The following TAF12 variants were observed in gnomAD, a reference collection of about 807,000 sequenced individuals.
The protein encoded by TAF12 is TATA-box binding protein associated factor 12, also known as transcription initiation factor TFIID subunit 12.
A neutral mutation model predicts 20.8 loss-of-function variants in TAF12; 3 were observed. That is an observed-to-expected ratio of 0.14 (90% CI 0.07 to 0.37). The LOEUF (loss-of-function observed/expected upper bound fraction) is 0.37. Ranked by LOEUF, TAF12 falls within the 10% of genes least tolerant of loss-of-function variation. The probability of loss-of-function intolerance (pLI) is 1.00; values close to 1 mark genes in which losing one functional copy is unlikely to be tolerated. For synonymous variants in TAF12, 69 were observed against 70.2 expected, an observed-to-expected ratio of 0.98 and a Z score of 0.09; for missense variants, 131 against 197.9, an observed-to-expected ratio of 0.66 and a Z score of 2.03.
At chr1:28,609,228 C>T (rs1165474714) in intron 4 of TAF12, among the ~76,000 whole-genome samples, 2 of 151,580 alleles carry the variant, frequency 1.3e-5, no homozygotes, top group Non-Finnish European at 2.9e-5. Flanking sequence ...AGGCACATGC[C>T]ACCACGCCCG....
intron 4 of TAF12, 106 bp downstream of exon 4, chr1:28,613,141 G>A (rs1666921239): frequency 3.8e-6 from 3 of 790,176 alleles, no homozygotes; most frequent in Non-Finnish European, 3.8e-6. Flanking sequence ...AAATCCCAGT[G>A]CCCAAAAGTC....
intron 4 of TAF12, among the ~76,000 whole-genome samples, chr1:28,606,640 AG>A (rs1315874943): frequency 1.3e-5 from 2 of 152,354 alleles, no homozygotes; most frequent in East Asian, 1.9e-4. Context: ...GTGAATGCTG[AG>A]ACCTAAGGTT....
At chr1:28,603,999 A>G (rs879858359) in intron 5 of TAF12, among the ~76,000 whole-genome samples, 22 of 151,730 alleles carry the variant, frequency 1.4e-4, no homozygotes, top group Middle Eastern at 3.4e-3. Context: ...CTGCCTCCCA[A>G]GTTCAAGTGA....
intron 5 of TAF12, 174 bp downstream of exon 5, chr1:28,605,198 T>G (rs1345825811): frequency 3.3e-6 from 2 of 613,824 alleles, no homozygotes; most frequent in East Asian, 5.5e-5. Context: ...GAATATCTTA[T>G]TGATCTCCCG....
chr1:28,644,728 C>G (rs1668140589), upstream of TAF12, among the ~76,000 whole-genome samples: 1 of 152,222 alleles, frequency 6.6e-6, no homozygotes, highest in Non-Finnish European at 1.5e-5. Flanking sequence ...AACACTTACT[C>G]AAGGACCAAG....
intron 4 of TAF12, among the ~76,000 whole-genome samples, chr1:28,609,180 G>A (rs940652844): frequency 6.6e-6 from 1 of 151,560 alleles, no homozygotes; most frequent in Non-Finnish European, 1.5e-5. Context: ...AGGTTCAAGC[G>A]ATTCTCCTGC....
chr1:28,635,603 C>T (rs1004600887), intron 1 of TAF12, among the ~76,000 whole-genome samples: 9 of 148,642 alleles, frequency 6.1e-5, no homozygotes, highest in Admixed American at 6.0e-4. Flanking sequence ...CTGCACCCGG[C>T]CTATCCTCCC....
intron 1 of TAF12, among the ~76,000 whole-genome samples, chr1:28,632,679 G>A (rs1667672725): frequency 6.6e-6 from 1 of 152,054 alleles, no homozygotes; most frequent in East Asian, 1.9e-4. Flanking sequence ...ACAGATCAGT[G>A]GTTGTTAAGG....
chr1:28,642,642 G>T (rs1265993455), intron 1 of TAF12: 14 of 985,264 alleles, frequency 1.4e-5, no homozygotes, highest in Non-Finnish European at 1.6e-5. Flanking sequence ...AGTCCTCACC[G>T]CTCCACTTTT....
chr1:28,647,890 T>C (rs903186339), upstream of TAF12, among the ~76,000 whole-genome samples: 4 of 151,620 alleles, frequency 2.6e-5, no homozygotes, highest in Non-Finnish European at 4.4e-5. Context: ...AAAAAAATTG[T>C]GTTGATAAAG....
chr1:28,610,493 T>C (rs1666816444), intron 4 of TAF12, among the ~76,000 whole-genome samples: 1 of 151,940 alleles, frequency 6.6e-6, no homozygotes, highest in African/African-American at 2.4e-5. Flanking sequence ...TTAAATCTTT[T>C]GTAACACAGT....
chr1:28,635,099 G>A (rs747231980), intron 1 of TAF12, among the ~76,000 whole-genome samples: 20 of 147,730 alleles, frequency 1.4e-4, no homozygotes, highest in African/African-American at 1.7e-4. Flanking sequence ...GCATGGTGGC[G>A]GGTGCCTGTA....
Position 28,613,272 on chromosome 1 carries a change from C to T in TAF12, c.336G>A (p.Glu112=), listed in dbSNP as rs1166468276. 1 of 1,611,030 alleles carries T rather than the reference C, an allele frequency of 6.2e-7. No individual in the cohort carries two copies. Residue 112 remains glutamate, a synonymous_variant, in exon 4 of 6, where the codon GAG becomes GAA. Transcript: ENST00000373824. ...CTAAATGCAGCTGGACATCTTTCAC[C>T]TCCAGGGTGCTAGACTTGCGATGCC... ...LARHRKSSTL[E]VKDVQLHLER... is the part of the protein sequence containing the mutation.
chr1:28,622,893 C>G (rs1667265773), intron 1 of TAF12, among the ~76,000 whole-genome samples: 1 of 151,974 alleles, frequency 6.6e-6, no homozygotes, highest in South Asian at 2.1e-4. Flanking sequence ...CGTAGTGGCA[C>G]ATGCCTATAA....
chr1:28,620,637 C>T (rs763592888), intron 2 of TAF12, among the ~76,000 whole-genome samples: 1 of 149,408 alleles, frequency 6.7e-6, no homozygotes. Flanking sequence ...GGGGTTTCAC[C>T]GTGTTAGCCA....
At chr1:28,635,028 T>C (rs903811235) in intron 1 of TAF12, among the ~76,000 whole-genome samples, 1 of 150,666 alleles carries the variant, frequency 6.6e-6, no homozygotes, top group African/African-American at 2.4e-5. Flanking sequence ...ATCGAGACCA[T>C]CCTGGCTAAC....
intron 1 of TAF12, among the ~76,000 whole-genome samples, chr1:28,637,689 ATTT>A (rs1210967195): frequency 2.0e-5 from 3 of 151,744 alleles, no homozygotes; most frequent in Non-Finnish European, 4.4e-5. Context: ...TCTTTTTTTT[ATTT>A]TTGCTCTCTT....
At chr1:28,635,271 CCCT>C (rs1667780990) in intron 1 of TAF12, among the ~76,000 whole-genome samples, 1 of 147,212 alleles carries the variant, frequency 6.8e-6, no homozygotes, top group Non-Finnish European at 1.5e-5. Flanking sequence ...CATCTATCCT[CCCT>C]CCTTTTTTTT....
chr1:28,635,467 G>A (rs932852704), intron 1 of TAF12, among the ~76,000 whole-genome samples: 12 of 150,850 alleles, frequency 8.0e-5, no homozygotes, highest in Non-Finnish European at 5.9e-5. Context: ...CACCACACCC[G>A]GCTAATTTTT....
Sources: allele counts gnomAD v4.1 joint callset (sites outside exome capture counted in the v4.1 genomes callset), GRCh38; gene constraint gnomAD v4.1.1; transcripts MANE v1.5; gene names NCBI Gene and HGNC (gene_info 2026-07-23, HGNC 2026-07-21).